Variants in LRBA observed in about 807,000 individuals in gnomAD.
LRBA encodes lipopolysaccharide-responsive and beige-like anchor protein.
LRBA carries 176 observed loss-of-function variants against 330.0 expected under a neutral mutation model. The observed-to-expected ratio is 0.53, with a 90% CI of 0.47 to 0.60. LRBA has a LOEUF of 0.60. Ranked by LOEUF, LRBA falls within the 20% of genes least tolerant of loss-of-function variation. The pLI, the probability that LRBA is intolerant of heterozygous loss-of-function variation, is 0.00. For synonymous variants in LRBA, 1,230 were observed against 1,193.0 expected, an observed-to-expected ratio of 1.03 and a Z score of -0.64; for missense variants, 3,259 against 3,444.8, an observed-to-expected ratio of 0.95 and a Z score of 1.35.
At chr4:150,639,852 T>C (rs1199138310) in intron 37 of LRBA, among the ~76,000 whole-genome samples, 1 of 77,782 alleles carries the variant, frequency 1.3e-5, no homozygotes, top group African/African-American at 4.9e-5. Flanking sequence ...TATATATATA[T>C]ATATATATAT....
chr4:150,814,347 T>C (rs747445825), intron 31 of LRBA, among the ~76,000 whole-genome samples: 83 of 151,974 alleles, frequency 5.5e-4, no homozygotes, highest in Non-Finnish European at 1.0e-3. Context: ...AGGGCAAGTA[T>C]AGTAGGCAAA....
intron 52 of LRBA, 28 bp downstream of exon 52, chr4:150,310,201 G>C (rs1580974189): frequency 5.3e-6 from 8 of 1,520,162 alleles, no homozygotes; most frequent in Non-Finnish European, 7.3e-6. Flanking sequence ...GTAAACTTTA[G>C]TTCACTGATA....
chr4:150,826,041 A>G (rs1451584207), intron 30 of LRBA, among the ~76,000 whole-genome samples: 6 of 152,160 alleles, frequency 3.9e-5, no homozygotes, highest in Non-Finnish European at 8.8e-5. Context: ...TCTTGCACTG[A>G]AAATGCAGCT....
At chr4:150,361,578 AT>A (rs1290887882) in intron 47 of LRBA, among the ~76,000 whole-genome samples, 2 of 151,338 alleles carry the variant, frequency 1.3e-5, no homozygotes, top group Non-Finnish European at 2.9e-5. Context: ...TACATTTCTG[AT>A]TTTCCTATTC....
At chr4:150,691,965 C>A (rs1467256808) in intron 36 of LRBA, among the ~76,000 whole-genome samples, 2 of 152,042 alleles carry the variant, frequency 1.3e-5, no homozygotes, top group Non-Finnish European at 2.9e-5. Context: ...AATTTTATAG[C>A]AGATAAAACT....
chr4:150,680,805 C>T (rs990356765), intron 37 of LRBA, among the ~76,000 whole-genome samples: 2 of 152,102 alleles, frequency 1.3e-5, no homozygotes, highest in African/African-American at 4.8e-5. Flanking sequence ...TGGCATGGGT[C>T]TGATTGTGAT....
intron 35 of LRBA, among the ~76,000 whole-genome samples, chr4:150,741,670 T>A (rs1238007566): frequency 6.6e-6 from 1 of 151,890 alleles, no homozygotes; most frequent in Non-Finnish European, 1.5e-5. Context: ...TAAAGTAAAA[T>A]GCTAAGTAGG....
At chr4:150,985,752 C>A (rs1400766709) in intron 2 of LRBA, among the ~76,000 whole-genome samples, 3 of 152,248 alleles carry the variant, frequency 2.0e-5, no homozygotes, top group Non-Finnish European at 2.9e-5. Context: ...CCCGCCTCGG[C>A]CTCCCAAAGT....
intron 40 of LRBA, among the ~76,000 whole-genome samples, chr4:150,533,479 A>T (rs199828706): frequency 6.6e-6 from 1 of 150,960 alleles, no homozygotes; most frequent in Non-Finnish European, 1.5e-5. Context: ...GCCAAAACCC[A>T]TTTTTTTTTA....
intron 17 of LRBA, among the ~76,000 whole-genome samples, chr4:150,882,756 T>C (rs1017625839): frequency 6.6e-6 from 1 of 152,208 alleles, no homozygotes; most frequent in Non-Finnish European, 1.5e-5. Flanking sequence ...GATCATTAAC[T>C]AGACTCAAAT....
At position 150,317,817 on chromosome 4, in the gene LRBA, T is replaced by C. The variant is rs141756155; in HGVS notation, c.7631-2194A>G. Among the ~76,000 whole-genome samples the C allele has an allele frequency of 3.3e-3, 497 of 152,296 alleles. 2 individuals are homozygous for C. The highest frequency in any genetic ancestry group is 4.7e-3 in the Non-Finnish European group (322 of 68,022). On this transcript the variant is annotated intron_variant, in intron 50 of 56. Transcript: ENST00000651943. ...GAACTTGGTCAAGTTATGTAATCTC[T>C]ATGTTTCAATTTCCTGATCTATAAA...
At chr4:150,648,158 C>CAAAAAAAAAAAAAAAAAAAAA in intron 37 of LRBA, among the ~76,000 whole-genome samples, 273 of 17,948 alleles carry the variant, frequency 0.015, 65 homozygotes, top group Non-Finnish European at 0.033. Context: ...ACACAAGTAG[C>CAAAAAAAAAAAAAAAAAAAAA]AAAAAAAAAA....
chr4:150,343,182 G>A (rs1735821587), intron 48 of LRBA, among the ~76,000 whole-genome samples: 1 of 152,102 alleles, frequency 6.6e-6, no homozygotes, highest in South Asian at 2.1e-4. Context: ...CTGTGGGAGA[G>A]CAGTAGGAGC....
Position 150,916,822 on chromosome 4 carries a change from A to C in LRBA, c.646-84T>G, listed in dbSNP as rs1027389151. The C allele has an allele frequency of 5.6e-6, 6 of 1,078,362 alleles. No homozygotes were observed. In the Middle Eastern group the frequency reaches 9.8e-4, roughly 177 times the overall value. The allele number at this position is 1,078,362 out of a possible 1,614,324, so 66.8% of individuals were successfully genotyped here. A position where few individuals can be genotyped will look rare whatever the true frequency, so the allele number is the denominator to read the frequency against. ...TGAAAATAAGACTTTGCAATGCTACATATATTTGTACTACATCACATTACT... is the reference window on the plus strand; with the variant it reads ...TGAAAATAAGACTTTGCAATGCTACCTATATTTGTACTACATCACATTACT... On this transcript the variant is annotated intron_variant, in intron 5 of 56. Coordinates refer to ENST00000651943, the MANE Select transcript of LRBA (RefSeq NM_001364905.1).
In LRBA at chr4:150,604,404, C is replaced by CAA. The variant is rs5862930; in HGVS notation, c.5922-5275_5922-5274dup. On this transcript the variant is annotated intron_variant, in intron 37 of 56. Transcript: ENST00000651943. ...GGCTGACAGAGGGAGAGACTATCTC[C>CAA]AAAAAAAAAAAGGAATTATAAAGTT... Among the ~76,000 whole-genome samples, 696 of 146,612 alleles carry CAA rather than the reference C, an allele frequency of 4.7e-3. 3 individuals are homozygous for CAA. The highest frequency in any genetic ancestry group is 5.7e-3 in the Non-Finnish European group (382 of 66,578).
intron 54 of LRBA, among the ~76,000 whole-genome samples, chr4:150,285,232 G>C (rs766645351): frequency 6.6e-6 from 1 of 152,198 alleles, no homozygotes; most frequent in Non-Finnish European, 1.5e-5. Context: ...ACTTTGTTGT[G>C]TGTTCAGACT....
chr4:150,466,513 A>ATG (rs1020738651), intron 44 of LRBA, among the ~76,000 whole-genome samples: 11 of 152,086 alleles, frequency 7.2e-5, no homozygotes, highest in African/African-American at 2.7e-4. Flanking sequence ...GGAAATGACT[A>ATG]TGTATACCCT....
Position 150,906,326 on chromosome 4 carries a change from A to C in LRBA, c.1573T>G (p.Phe525Val), listed in dbSNP as rs768302925. 13 of 1,608,166 alleles carry C rather than the reference A, an allele frequency of 8.1e-6. No homozygotes were observed. Among genetic ancestry groups the C allele is most frequent in the Non-Finnish European group, 1.0e-5 (12 of 1,174,986 alleles). ...MQEQMLACKGFLVIGYSLEKS... is the reference protein window; with the variant it reads ...MQEQMLACKGVLVIGYSLEKS... ...TCAAGGCTATATCCTATTACCAAGA[A>C]GCCCTTACAGGCAAGCATCTGTTCC... The change falls in exon 12 of 57, where the codon TTC (phenylalanine) becomes GTC (valine). Residue 525 changes from phenylalanine to valine, a missense_variant. Coordinates refer to ENST00000651943, the MANE Select transcript of LRBA (RefSeq NM_001364905.1).
intron 53 of LRBA, among the ~76,000 whole-genome samples, chr4:150,288,604 TAAG>T (rs2126790430): frequency 6.6e-6 from 1 of 152,136 alleles, no homozygotes; most frequent in South Asian, 2.1e-4. Flanking sequence ...AATAATAAAA[TAAG>T]AAGTTATCAA....
Sources: allele counts gnomAD v4.1 joint callset (sites outside exome capture counted in the v4.1 genomes callset), GRCh38; gene constraint gnomAD v4.1.1; transcripts MANE v1.5; gene names NCBI Gene and HGNC (gene_info 2026-07-23, HGNC 2026-07-21).